The following EVC variants were observed in gnomAD, a reference collection of about 807,000 sequenced individuals.
EVC encodes the protein evC complex member EVC.
EVC carries 116 observed loss-of-function variants against 118.9 expected under a neutral mutation model. The observed-to-expected ratio is 0.98, with a 90% confidence interval of 0.84 to 1.14. EVC has a LOEUF of 1.14. EVC is among the 50% of genes most tolerant of loss of function. The pLI is 0.00. For synonymous variants in EVC, 619 were observed against 534.7 expected (o/e 1.16, Z -2.18); for missense variants, 1,401 against 1,246.4 (o/e 1.12, Z -1.87).
At chr4:5,827,387 A>G in the EVC span, among the ~76,000 whole-genome samples, 1 of 152,076 alleles carries the variant, frequency 6.6e-6, no homozygotes, top group Admixed American at 6.5e-5. Context: ...TCCAGTGCAA[A>G]GCATCTGTGC....
At chr4:5,729,669 T>C (rs920830845) in intron 3 of EVC, among the ~76,000 whole-genome samples, 1 of 152,148 alleles carries the variant, frequency 6.6e-6, no homozygotes, top group African/African-American at 2.4e-5. Flanking sequence ...CAAACACTGA[T>C]ACCGACTCAG....
At chr4:5,796,160 G>T (rs989868428) in intron 13 of EVC, among the ~76,000 whole-genome samples, 1 of 151,944 alleles carries the variant, frequency 6.6e-6, no homozygotes, top group Non-Finnish European at 1.5e-5. Flanking sequence ...TTGATTCCTT[G>T]TATAGTTTCC....
In EVC at chr4:5,753,831, C is replaced by A; in HGVS notation, c.1362C>A (p.His454Gln). The change falls in exon 10 of 21, where the codon CAC becomes CAA. Residue 454 changes from histidine to glutamine, a missense_variant. Coordinates refer to ENST00000264956, the MANE Select transcript of EVC (RefSeq NM_153717.3). ...ACCTGGTCACGGCGTCTCTGGCTCA[C>A]CAGGTGGAGGGAACGGCAAAACTCA... ...GKDLVTASLAHQVEGTAKLTL... is the reference protein window; with the variant it reads ...GKDLVTASLAQQVEGTAKLTL... 6.2e-7 allele frequency: 1 copy of A among 1,614,100 alleles called. No homozygotes were observed. Among genetic ancestry groups the A allele is most frequent in the Non-Finnish European group, 8.5e-7 (1 of 1,180,026 alleles).
chr4:5,794,261 T>TTA (rs1225939163), intron 13 of EVC, among the ~76,000 whole-genome samples: 7,033 of 81,992 alleles, frequency 0.086, 323 homozygotes, highest in Non-Finnish European at 0.12. Context: ...TTATATGTAT[T>TTA]TATATATTTA....
Position 5,756,216 on chromosome 4 carries a change from A to C in EVC, c.1465-48A>C, listed in dbSNP as rs747034. ...TGGAGAACCTTCTGGAAAAAAAAAA[A>C]AAAACCCTGCATGTTTCTACCAGAC... On this transcript the variant is annotated intron_variant, in intron 10 of 20. Coordinates refer to ENST00000264956, the MANE Select transcript of EVC (RefSeq NM_153717.3). The surrounding 1 kb of genome is among the most constrained non-coding windows in gnomAD (Gnocchi z 4.2). 51 of 1,462,314 alleles carry C rather than the reference A, an allele frequency of 3.5e-5. No homozygotes were observed. The highest frequency in any genetic ancestry group is 1.7e-4 in the South Asian group (14 of 80,968). The allele number at this position is 1,462,314 out of a possible 1,614,324, so 90.6% of individuals were successfully genotyped here.
chr4:5,798,487 C>T lies in EVC; in HGVS notation c.2098-99C>T. 1 of 1,268,894 alleles carries T rather than the reference C, an allele frequency of 7.9e-7. No homozygotes were observed. The highest frequency in any genetic ancestry group is 2.5e-5 in the East Asian group (1 of 39,588). The allele number at this position is 1,268,894 out of a possible 1,614,324, so 78.6% of individuals were successfully genotyped here. On this transcript the variant is annotated intron_variant, in intron 14 of 20. Coordinates refer to ENST00000264956, the MANE Select transcript of EVC (RefSeq NM_153717.3). This position sits in a 1 kb window ranked among gnomAD's most constrained non-coding sequence, Gnocchi z 4.1. ...CCCTTTCTCCATCCCTTTTCCAACC[C>T]CTGGGCCCTGGATAGGACCAGCCCC... is the stretch of plus-strand genomic sequence containing the variant.
chr4:5,765,750 T>G (rs368737108), intron 11 of EVC, among the ~76,000 whole-genome samples: 2 of 147,980 alleles, frequency 1.4e-5, no homozygotes, highest in Admixed American at 6.8e-5. Context: ...GTTTTCCATT[T>G]GCTTGGTAGC....
chr4:5,785,203 G>T (rs1736236189), intron 12 of EVC, among the ~76,000 whole-genome samples: 1 of 152,180 alleles, frequency 6.6e-6, no homozygotes, highest in Admixed American at 6.5e-5. Context: ...CGCATGGGAG[G>T]CCTGGAGGTG....
the EVC span, among the ~76,000 whole-genome samples, chr4:5,822,942 T>G: frequency 1.3e-5 from 2 of 152,212 alleles, no homozygotes; most frequent in Admixed American, 6.5e-5. Context: ...AGCCTTTGTT[T>G]CCTTGCAGTC....
intron 12 of EVC, among the ~76,000 whole-genome samples, chr4:5,787,909 T>C (rs1560409653): frequency 1.3e-5 from 2 of 152,158 alleles, no homozygotes; most frequent in Non-Finnish European, 2.9e-5. Flanking sequence ...GGCCTCCTCT[T>C]ACTGGACAAG....
Position 5,801,952 on chromosome 4 carries a change from G to A in EVC, c.2307G>A (p.Arg769=). ...CTGTCCTTCCTTTCTTCCCTCAGAG[G>A]ACACTGATGGAGGCGGCAGTGGAGA... ...SRAKDRDDFK[R]TLMEAAVESV... The change falls in exon 16 of 21, where the codon AGG becomes AGA. Residue 769 remains arginine, a splice_region_variant and synonymous_variant. Coordinates refer to ENST00000264956, the MANE Select transcript of EVC (RefSeq NM_153717.3). 2 of 1,613,292 alleles carry A rather than the reference G, an allele frequency of 1.2e-6. No individual in the cohort carries two copies. Among genetic ancestry groups the A allele is most frequent in the Non-Finnish European group, 1.7e-6 (2 of 1,179,964 alleles).
intron 2 of EVC, among the ~76,000 whole-genome samples, chr4:5,728,364 GCTCT>G (rs536566304): frequency 1.6e-3 from 237 of 151,488 alleles, no homozygotes; most frequent in African/African-American, 5.2e-3. Flanking sequence ...TCATGATTTG[GCTCT>G]CTGTTTGTCT....
the EVC span, chr4:5,825,566 C>T: frequency 6.3e-7 from 1 of 1,598,970 alleles, no homozygotes; most frequent in South Asian, 1.1e-5. This position sits in a 1 kb window ranked among gnomAD's most constrained non-coding sequence, Gnocchi z 4.4. Flanking sequence ...GAAGATTTGG[C>T]TGAAGGAGCG....
Position 5,731,759 on chromosome 4 carries a change from A to C in EVC, c.617+102A>C. 5 of 1,190,120 alleles carry C rather than the reference A, an allele frequency of 4.2e-6. No homozygotes were observed. Among genetic ancestry groups the C allele is most frequent in the Non-Finnish European group, 6.1e-6 (5 of 820,358 alleles). 73.7% of individuals were successfully genotyped at this position (1,190,120 alleles called of 1,614,324 possible). A position where few individuals can be genotyped will look rare whatever the true frequency, so the allele number is the denominator to read the frequency against. ...AGGAAACAGAGGCCCAGAGAGGTTC[A>C]GTGACTCTGCCAGGGACACACAGCG... On this transcript the variant is annotated intron_variant, in intron 4 of 20. Coordinates refer to ENST00000264956, the MANE Select transcript of EVC (RefSeq NM_153717.3). This position sits in a 1 kb window ranked among gnomAD's most constrained non-coding sequence, Gnocchi z 5.6.
At chr4:5,822,271 C>T in the EVC span, among the ~76,000 whole-genome samples, 9,079 of 152,286 alleles carry the variant, frequency 0.06, 553 homozygotes, top group African/African-American at 0.15. Context: ...GTTCAGGCCA[C>T]GTGTCTTGCG....
intron 5 of EVC, among the ~76,000 whole-genome samples, chr4:5,736,872 A>G (rs898783655): frequency 6.6e-6 from 1 of 152,182 alleles, no homozygotes; most frequent in African/African-American, 2.4e-5. Context: ...GTAACGCTGC[A>G]ATGGCCTTTA....
At chr4:5,821,778 G>T in the EVC span, 1 of 1,610,940 alleles carries the variant, frequency 6.2e-7, no homozygotes, top group Non-Finnish European at 8.5e-7. This position sits in a 1 kb window ranked among gnomAD's most constrained non-coding sequence, Gnocchi z 4.4. Flanking sequence ...GGCTGGTGAT[G>T]TTGGAGCGGC....
chr4:5,814,442 C>T (rs900401280), downstream of EVC: 1 of 152,280 alleles, frequency 6.6e-6, no homozygotes, highest in Non-Finnish European at 1.5e-5. Flanking sequence ...TTCTGAGGCC[C>T]TGGCCAGGGC....
intron 16 of EVC, among the ~76,000 whole-genome samples, chr4:5,804,113 C>A (rs1241916338): frequency 1.3e-5 from 2 of 152,026 alleles, no homozygotes; most frequent in East Asian, 3.9e-4. Flanking sequence ...CATTTTTGTA[C>A]TTTTAGTAGA....
Sources: allele counts gnomAD v4.1 joint callset (sites outside exome capture counted in the v4.1 genomes callset), GRCh38; gene constraint gnomAD v4.1.1; non-coding constraint Gnocchi (gnomAD v3.1); transcripts MANE v1.5; gene names NCBI Gene and HGNC (gene_info 2026-07-23, HGNC 2026-07-21).